Variants in GPATCH2 observed in about 807,000 individuals in gnomAD.
The protein encoded by GPATCH2 is G-patch domain containing 2, also known as G patch domain-containing protein 2.
GPATCH2 carries 51 observed loss-of-function variants against 58.0 expected under a neutral mutation model. The ratio of observed to expected loss-of-function variants is 0.88; its 90% confidence interval spans 0.70 to 1.11. GPATCH2 has a LOEUF of 1.11. Among genes scored for constraint, GPATCH2 ranks in the 50% most tolerant of loss-of-function variants. GPATCH2 has a pLI of 0.00. For missense variants in GPATCH2, 625 were observed against 652.2 expected (o/e 0.96, Z 0.45); for synonymous variants, 222 against 218.5 (o/e 1.02, Z -0.14).
intron 5 of GPATCH2, among the ~76,000 whole-genome samples, chr1:217,583,294 G>A (rs901638458): frequency 2.0e-5 from 3 of 152,008 alleles, no homozygotes; most frequent in South Asian, 2.1e-4. Context: ...AGACTGAGTC[G>A]GGCGGGGTGG....
In GPATCH2 at chr1:217,558,980, C is replaced by T. The variant is rs1212088100; in HGVS notation, c.1099-44091G>A. 2.0e-5 allele frequency among the ~76,000 whole-genome samples: 3 copies of T among 152,058 alleles called. No individual in the cohort carries two copies. The South Asian group carries it at 6.2e-4, about 32-fold the overall frequency. On this transcript the variant is annotated intron_variant, in intron 5 of 9. Transcript: ENST00000366935. ...CTGCAGCAAATATCCCCCTTCAGGC[C>T]CCCATTATCACTTTTCAAGTTCCTC...
At chr1:217,506,654 C>A (rs941228076) in intron 6 of GPATCH2, among the ~76,000 whole-genome samples, 1 of 152,170 alleles carries the variant, frequency 6.6e-6, no homozygotes, top group Non-Finnish European at 1.5e-5. Context: ...AAGTGGTTTT[C>A]CAAACACTCT....
chr1:217,437,654 A>G (rs1658903433), intron 9 of GPATCH2, among the ~76,000 whole-genome samples: 1 of 152,200 alleles, frequency 6.6e-6, no homozygotes, highest in African/African-American at 2.4e-5. Flanking sequence ...CAGCTCAGTA[A>G]AGCTGCTGTA....
intron 6 of GPATCH2, among the ~76,000 whole-genome samples, chr1:217,510,872 C>A (rs1662812576): frequency 6.6e-6 from 1 of 152,032 alleles, no homozygotes; most frequent in Admixed American, 6.5e-5. Flanking sequence ...GCGGGCAAAT[C>A]ACCTGCAGTC....
intron 8 of GPATCH2, among the ~76,000 whole-genome samples, chr1:217,488,561 C>G (rs1207387376): frequency 6.6e-6 from 1 of 152,036 alleles, no homozygotes; most frequent in Non-Finnish European, 1.5e-5. Context: ...CCACCCTTCC[C>G]TGTCATTATA....
At chr1:217,461,068 A>T (rs920866249) in intron 8 of GPATCH2, among the ~76,000 whole-genome samples, 1 of 152,200 alleles carries the variant, frequency 6.6e-6, no homozygotes, top group African/African-American at 2.4e-5. Flanking sequence ...ACATTTTCTG[A>T]GTAGGACTAC....
chr1:217,483,130 T>C (rs1392855430), intron 8 of GPATCH2, among the ~76,000 whole-genome samples: 1 of 152,210 alleles, frequency 6.6e-6, no homozygotes, highest in East Asian at 1.9e-4. Context: ...TCCTTTTTGC[T>C]TTTACTATTA....
intron 9 of GPATCH2, among the ~76,000 whole-genome samples, chr1:217,440,332 C>A (rs1464587225): frequency 6.6e-6 from 1 of 152,188 alleles, no homozygotes; most frequent in Non-Finnish European, 1.5e-5. Flanking sequence ...TAAAAACTCT[C>A]AATAAACTAG....
intron 5 of GPATCH2, among the ~76,000 whole-genome samples, chr1:217,556,775 C>T (rs935087945): frequency 3.9e-5 from 6 of 152,130 alleles, no homozygotes; most frequent in Non-Finnish European, 7.3e-5. Flanking sequence ...CTGGCTGGTG[C>T]CTTTTTCCAA....
At chr1:217,587,952 T>C (rs1667416921) in intron 5 of GPATCH2, among the ~76,000 whole-genome samples, 1 of 152,136 alleles carries the variant, frequency 6.6e-6, no homozygotes, top group African/African-American at 2.4e-5. Context: ...ACCTCAAAAA[T>C]AAAGAATGCA....
rs199890898 is a variant in GPATCH2 at position 217,552,668 on chromosome 1, A to T, written c.1099-37779T>A. 2.0e-5 allele frequency among the ~76,000 whole-genome samples: 3 copies of T among 152,318 alleles called. No homozygotes were observed. The East Asian group carries it at 5.8e-4, about 29-fold the overall frequency. Reference sequence around the variant, plus strand: ...TGCCTAAATTCCAATATGAAAAAACAGTGTTCTTGTCATATATTTTCATGT... The same window carrying T: ...TGCCTAAATTCCAATATGAAAAAACTGTGTTCTTGTCATATATTTTCATGT... On this transcript the variant is annotated intron_variant, in intron 5 of 9. Transcript: ENST00000366935.
At chr1:217,451,230 A>G (rs1659650818) in intron 8 of GPATCH2, among the ~76,000 whole-genome samples, 1 of 152,188 alleles carries the variant, frequency 6.6e-6, no homozygotes, top group Admixed American at 6.5e-5. Flanking sequence ...TTTCCTTGGT[A>G]GGATAAAATT....
intron 5 of GPATCH2, chr1:217,608,530 G>C (rs1668469956): frequency 2.5e-5 from 25 of 984,784 alleles, no homozygotes; most frequent in Non-Finnish European, 3.0e-5. Context: ...ACCACAGTGA[G>C]ATTGCAATAA....
intron 5 of GPATCH2, among the ~76,000 whole-genome samples, chr1:217,563,535 T>C (rs1242434583): frequency 6.6e-6 from 1 of 152,158 alleles, no homozygotes; most frequent in Non-Finnish European, 1.5e-5. Context: ...TTGATTGACA[T>C]TGATAAAGAA....
intron 5 of GPATCH2, among the ~76,000 whole-genome samples, chr1:217,532,322 A>G (rs1241288046): frequency 6.6e-6 from 1 of 152,202 alleles, no homozygotes; most frequent in Non-Finnish European, 1.5e-5. Flanking sequence ...TCTAATTATT[A>G]TCTCAATCTT....
chr1:217,434,191 G>T (rs1400226538), intron 9 of GPATCH2, among the ~76,000 whole-genome samples: 2 of 152,132 alleles, frequency 1.3e-5, no homozygotes, highest in Non-Finnish European at 2.9e-5. Flanking sequence ...CAATGTCAAA[G>T]AAAAATTCTT....
intron 4 of GPATCH2, 73 bp from the exon 5 acceptor site, chr1:217,610,473 C>T (rs1668572680): frequency 1.2e-6 from 1 of 853,970 alleles, no homozygotes; most frequent in African/African-American, 1.7e-5. Context: ...AGGATCCTAT[C>T]AATAGAGAAA....
chr1:217,494,056 C>CA (rs1254882953), intron 7 of GPATCH2, among the ~76,000 whole-genome samples: 1 of 152,158 alleles, frequency 6.6e-6, no homozygotes, highest in Non-Finnish European at 1.5e-5. Context: ...CGATAGTTCT[C>CA]AGAGAGGCCA....
At chr1:217,464,415 A>G (rs965462810) in intron 8 of GPATCH2, among the ~76,000 whole-genome samples, 2 of 152,180 alleles carry the variant, frequency 1.3e-5, no homozygotes, top group African/African-American at 4.8e-5. Context: ...CTACCACTCA[A>G]TGGAAAGTAC....
Sources: gnomAD v4.1 joint callset for allele counts (sites outside exome capture counted in the v4.1 genomes callset) on GRCh38, gnomAD v4.1.1 for gene constraint, MANE v1.5 for transcripts, NCBI Gene and HGNC (gene_info 2026-07-23, HGNC 2026-07-21) for gene names.